The following TNS4 variants were observed in gnomAD, a reference collection of about 807,000 sequenced individuals.
The protein encoded by TNS4 is tensin 4, also known as tensin-4.
In TNS4, 46 loss-of-function variants were observed where a neutral mutation model predicts 70.4. The ratio of observed to expected loss-of-function variants is 0.65; its 90% confidence interval spans 0.52 to 0.84. The LOEUF (loss-of-function observed/expected upper bound fraction) is 0.84. TNS4 is among the 40% of genes least tolerant of loss of function. TNS4 has a pLI of 0.00. For synonymous variants in TNS4, 390 were observed against 366.6 expected (o/e 1.06, Z -0.73); for missense variants, 863 against 907.0 (o/e 0.95, Z 0.62).
Position 40,487,254 on chromosome 17 carries a change from T to C in TNS4, c.1070A>G (p.His357Arg), listed in dbSNP as rs1228070637. The C allele has an allele frequency of 3.1e-6, 5 of 1,614,162 alleles. No homozygotes were observed. The highest frequency in any genetic ancestry group is 2.2e-5 in the East Asian group (1 of 44,882). ...TPHSPPLAKE[H>R]ASSCPPSITN... is the part of the protein sequence containing the mutation. Reference sequence around the variant, plus strand: ...GATGGATGGGGGGCAGCTGCTGGCATGTTCTTTGGCCAGTGGTGGAGAGTG... The same window carrying C: ...GATGGATGGGGGGCAGCTGCTGGCACGTTCTTTGGCCAGTGGTGGAGAGTG... Residue 357 changes from histidine (H) to arginine (R), a missense_variant, in exon 4 of 13, where the codon CAT becomes CGT. By Grantham distance (29) the His-to-Arg change is conservative. Transcript: ENST00000254051.
chr17:40,491,762 C>G (rs2036070734), intron 2 of TNS4, among the ~76,000 whole-genome samples: 1 of 152,128 alleles, frequency 6.6e-6, no homozygotes, highest in Non-Finnish European at 1.5e-5. Context: ...TCGCTGTTTA[C>G]TGGCCTGTGG....
Position 40,487,128 on chromosome 17 carries a change from T to A in TNS4, c.1196A>T (p.Gln399Leu). ...QRTPGHQNSVQPGAASPSNPC... is the reference protein window; with the variant it reads ...QRTPGHQNSVLPGAASPSNPC... Reference sequence around the variant, plus strand: ...GTTGCTGGGAGAAGCAGCTCCAGGTTGAACGGAGTTCTGGTGTCCTGGGGT... The same window carrying A: ...GTTGCTGGGAGAAGCAGCTCCAGGTAGAACGGAGTTCTGGTGTCCTGGGGT... The change falls in exon 4 of 13, where the codon CAA becomes CTA. Residue 399 changes from glutamine to leucine, a missense_variant. Transcript: ENST00000254051. 1 of 1,614,240 alleles carries A rather than the reference T, an allele frequency of 6.2e-7. No homozygotes were observed. Among genetic ancestry groups the A allele is most frequent in the Non-Finnish European group, 8.5e-7 (1 of 1,180,052 alleles).
intron 4 of TNS4, 22 bp from the exon 5 acceptor site, chr17:40,485,029 G>A: frequency 6.2e-7 from 1 of 1,609,152 alleles, no homozygotes; most frequent in Non-Finnish European, 8.5e-7. Flanking sequence ...CAGAGAAGGG[G>A]GACCCTGTAG....
At chr17:40,490,574 G>A (rs2036056103) in intron 2 of TNS4, among the ~76,000 whole-genome samples, 2 of 152,162 alleles carry the variant, frequency 1.3e-5, no homozygotes, top group Admixed American at 1.3e-4. Context: ...GCCTGCCCCA[G>A]CCCGCTCCTG....
intron 2 of TNS4, among the ~76,000 whole-genome samples, chr17:40,491,706 T>C (rs533057168): frequency 1.4e-5 from 2 of 146,602 alleles, no homozygotes; most frequent in East Asian, 4.1e-4. Context: ...AAGGTGGGTG[T>C]GGCTGGGGGG....
chr17:40,490,565 C>T (rs1487066257), intron 2 of TNS4, among the ~76,000 whole-genome samples: 1 of 152,206 alleles, frequency 6.6e-6, no homozygotes, highest in African/African-American at 2.4e-5. Flanking sequence ...GGAGCCCCAG[C>T]CTGCCCCAGC....
intron 10 of TNS4, 83 bp downstream of exon 10, chr17:40,479,591 T>G (rs1455164906): frequency 6.6e-7 from 1 of 1,524,764 alleles, no homozygotes; most frequent in African/African-American, 1.4e-5. Flanking sequence ...TTGACCTTCA[T>G]CCCTGATCTG....
intron 6 of TNS4, among the ~76,000 whole-genome samples, chr17:40,482,953 ATT>A (rs530839797): frequency 2.8e-5 from 4 of 140,640 alleles, no homozygotes; most frequent in Admixed American, 7.1e-5. Context: ...GTTATCAGGG[ATT>A]TTTTTTTTTT....
rs71371433 is a variant in TNS4 at position 40,501,156 on chromosome 17, G to T, written c.-96+378C>A. ...AGCCCTGAGAAATGGAGAAGCTGAAGACAAAAGGTTAAATGAGGCTGGGCT... is the reference window on the plus strand; with the variant it reads ...AGCCCTGAGAAATGGAGAAGCTGAATACAAAAGGTTAAATGAGGCTGGGCT... On this transcript the variant is annotated intron_variant, in intron 1 of 12. Coordinates refer to ENST00000254051, the MANE Select transcript of TNS4 (RefSeq NM_032865.6). 5.1e-4 allele frequency among the ~76,000 whole-genome samples: 78 copies of T among 152,310 alleles called. 1 individual carries two copies. Among genetic ancestry groups the T allele is most frequent in the Middle Eastern group, 6.8e-3 (2 of 294 alleles).
intron 3 of TNS4, among the ~76,000 whole-genome samples, chr17:40,488,254 C>T (rs1042592717): frequency 6.6e-6 from 1 of 152,152 alleles, no homozygotes; most frequent in Non-Finnish European, 1.5e-5. Context: ...AAAAAACCTT[C>T]CTTGAGATGG....
At chr17:40,483,775 T>C (rs879720667) in intron 6 of TNS4, among the ~76,000 whole-genome samples, 1 of 152,222 alleles carries the variant, frequency 6.6e-6, no homozygotes, top group Non-Finnish European at 1.5e-5. Context: ...GCTGGGTGTT[T>C]CATCCTCCCT....
In TNS4 at chr17:40,484,536, G is replaced by A. The variant is rs367632080; in HGVS notation, c.1449C>T (p.Phe483=). 3.3e-5 allele frequency: 53 copies of A among 1,612,586 alleles called. No homozygotes were observed. The African/African-American group carries it at 5.9e-4, about 18-fold the overall frequency. The change falls in exon 6 of 13, where the codon TTC becomes TTT. Residue 483 remains phenylalanine (F), a synonymous_variant. Coordinates refer to ENST00000254051, the MANE Select transcript of TNS4 (RefSeq NM_032865.6). ...IRDSSSYRGS[F]GLALKVQEVP... is the part of the protein sequence containing the mutation. ...CCTCCTGCACCTTCAGGGCCAGGCC[G>A]AAGGAGCCTCGGTATGAAGAGCTGT...
chr17:40,478,954 T>C, intron 10 of TNS4, among the ~76,000 whole-genome samples: 1 of 152,198 alleles, frequency 6.6e-6, no homozygotes, highest in Non-Finnish European at 1.5e-5. Flanking sequence ...CTTGGTCATC[T>C]CTTGTTTCTC....
Position 40,496,513 on chromosome 17 carries a change from C to T in TNS4, c.-88G>A, listed in dbSNP as rs1448704474. 7 of 1,388,520 alleles carry T rather than the reference C, an allele frequency of 5.0e-6. No individual in the cohort carries two copies. The East Asian group carries it at 1.8e-4, about 35-fold the overall frequency. The allele number at this position is 1,388,520 out of a possible 1,614,324, so 86.0% of individuals were successfully genotyped here. A position where few individuals can be genotyped will look rare whatever the true frequency, so the allele number is the denominator to read the frequency against. On this transcript the variant is annotated 5_prime_UTR_variant, in exon 2 of 13. Transcript: ENST00000254051. ...AGATCTCACTTGCTAACCAGGAGCT[C>T]CCAGGATCTGAAAGAGTCCAAGAGT...
Position 40,488,906 on chromosome 17 carries a change from G to C in TNS4, c.503C>G (p.Ser168Cys). 1 of 1,612,006 alleles carries C rather than the reference G, an allele frequency of 6.2e-7. No individual in the cohort carries two copies. Among genetic ancestry groups the C allele is most frequent in the Non-Finnish European group, 8.5e-7 (1 of 1,179,432 alleles). Residue 168 changes from serine (S) to cysteine (C), a missense_variant, in exon 3 of 13, where the codon TCC (serine) becomes TGC (cysteine). Ser to Cys is a moderately radical substitution (Grantham distance 112, BLOSUM62 -1). Coordinates refer to ENST00000254051, the MANE Select transcript of TNS4 (RefSeq NM_032865.6). ...SRCHDGPQHC[S>C]SPSVTPPFGS... The stretch of plus-strand genomic sequence containing the variant: ...GAAGGGCGGGGTGACAGAGGGGCTG[G>C]AGCAGTGCTGGGGGCCATCGTGGCA...
chr17:40,480,622 G>A, intron 9 of TNS4, 78 bp downstream of exon 9: 1 of 1,343,084 alleles, frequency 7.4e-7, no homozygotes, highest in Admixed American at 3.1e-5. Context: ...GTGCGTGCAT[G>A]CGTGCGTGTG....
In TNS4 at chr17:40,488,754, C is replaced by T; in HGVS notation, c.655G>A (p.Glu219Lys). 2.5e-6 allele frequency: 4 copies of T among 1,604,052 alleles called. No individual in the cohort carries two copies. The highest frequency in any genetic ancestry group is 2.6e-6 in the Non-Finnish European group (3 of 1,176,390). ...RGHQRPLPPS[E>K]GLSPRPPNSP... ...TTTGGGGGTCGAGGGGAGAGACCCT[C>T]TGAGGGGGGCAGAGGGCGCTGGTGC... The change falls in exon 3 of 13, where the codon GAG becomes AAG. Residue 219 changes from glutamate to lysine, a missense_variant. Physicochemically the swap from Glu to Lys is moderately conservative, Grantham distance 56 (BLOSUM62 1). Transcript: ENST00000254051.
chr17:40,495,911 G>T, intron 2 of TNS4, 76 bp downstream of exon 2: 1 of 1,498,794 alleles, frequency 6.7e-7, no homozygotes, highest in South Asian at 1.3e-5. Context: ...CCCCTTCTCT[G>T]TACATAGGAA....
intron 3 of TNS4, 51 bp downstream of exon 3, chr17:40,488,495 C>T: frequency 1.4e-6 from 2 of 1,439,010 alleles, no homozygotes; most frequent in Non-Finnish European, 1.8e-6. Context: ...GGGGTGCATG[C>T]GTGCGTGTGC....
Sources: gnomAD v4.1 joint callset for allele counts (sites outside exome capture counted in the v4.1 genomes callset) on GRCh38, gnomAD v4.1.1 for gene constraint, MANE v1.5 for transcripts, NCBI Gene and HGNC (gene_info 2026-07-23, HGNC 2026-07-21) for gene names.